Variants in ABTB3 observed in about 807,000 individuals in gnomAD.
ABTB3 encodes the protein ankyrin repeat- and BTB/POZ domain-containing protein 3.
the ABTB3 span, among the ~76,000 whole-genome samples, chr12:107,369,442 C>T: frequency 1.4e-4 from 21 of 149,650 alleles, no homozygotes; most frequent in Middle Eastern, 3.4e-3. Flanking sequence ...CTTGTCACCC[C>T]GGCTGGAGTG....
the ABTB3 span, among the ~76,000 whole-genome samples, chr12:107,477,360 CTG>C: frequency 2.6e-5 from 4 of 152,114 alleles, no homozygotes; most frequent in African/African-American, 9.7e-5. Context: ...ACAAAGAAAG[CTG>C]TATTTCTCAG....
chr12:107,591,137 A>T, the ABTB3 span, among the ~76,000 whole-genome samples: 1 of 152,228 alleles, frequency 6.6e-6, no homozygotes, highest in Non-Finnish European at 1.5e-5. Context: ...ATGCCATTTC[A>T]TTAAATCACC....
the ABTB3 span, among the ~76,000 whole-genome samples, chr12:107,542,288 G>A: frequency 7.8e-6 from 1 of 128,836 alleles, no homozygotes; most frequent in East Asian, 2.5e-4. Flanking sequence ...CTCCAGTCTA[G>A]GCAACAGAGC....
the ABTB3 span, among the ~76,000 whole-genome samples, chr12:107,503,756 C>CAAAAAAAAAA: frequency 6.8e-3 from 483 of 70,668 alleles, 35 homozygotes; most frequent in African/African-American, 0.025. Flanking sequence ...GACCCTATCT[C>CAAAAAAAAAA]AAAAAAAAAA....
At chr12:107,441,481 G>C in the ABTB3 span, among the ~76,000 whole-genome samples, 1 of 152,136 alleles carries the variant, frequency 6.6e-6, no homozygotes, top group Non-Finnish European at 1.5e-5. Context: ...GTGGGGAGGA[G>C]AGCATCAGGA....
the ABTB3 span, among the ~76,000 whole-genome samples, chr12:107,321,161 C>T: frequency 3.9e-5 from 6 of 152,286 alleles, no homozygotes; most frequent in Non-Finnish European, 8.8e-5. Flanking sequence ...GGCGGTTTGG[C>T]CAGAGGTTGC....
chr12:107,385,087 C>T, the ABTB3 span, among the ~76,000 whole-genome samples: 2 of 152,204 alleles, frequency 1.3e-5, no homozygotes, highest in African/African-American at 4.8e-5. Flanking sequence ...ATTCACTGAG[C>T]AATGAAAATA....
the ABTB3 span, among the ~76,000 whole-genome samples, chr12:107,337,757 C>T: frequency 1.3e-5 from 2 of 152,210 alleles, no homozygotes; most frequent in Admixed American, 6.5e-5. Context: ...TCTGATGACA[C>T]CAAAACTGTG....
At chr12:107,539,531 A>T in the ABTB3 span, among the ~76,000 whole-genome samples, 1 of 152,190 alleles carries the variant, frequency 6.6e-6, no homozygotes, top group African/African-American at 2.4e-5. Flanking sequence ...GACCCCAGGA[A>T]TGAGCAGCTT....
the ABTB3 span, among the ~76,000 whole-genome samples, chr12:107,446,458 C>A: frequency 6.6e-6 from 1 of 152,112 alleles, no homozygotes; most frequent in Non-Finnish European, 1.5e-5. Flanking sequence ...TTATAAATTA[C>A]AGAGATTGAA....
chr12:107,516,512 G>A, the ABTB3 span, among the ~76,000 whole-genome samples: 3 of 152,132 alleles, frequency 2.0e-5, no homozygotes, highest in Non-Finnish European at 2.9e-5. Context: ...GATTACAGGC[G>A]TGAGACACCA....
chr12:107,577,176 C>G, the ABTB3 span, among the ~76,000 whole-genome samples: 1 of 152,210 alleles, frequency 6.6e-6, no homozygotes, highest in African/African-American at 2.4e-5. Context: ...GCAACAGAGA[C>G]TGACCTTATG....
the ABTB3 span, among the ~76,000 whole-genome samples, chr12:107,469,244 G>A: frequency 6.6e-6 from 1 of 152,164 alleles, no homozygotes; most frequent in Non-Finnish European, 1.5e-5. Context: ...TCCTGTGGGT[G>A]GTTGGCTCCC....
At chr12:107,567,853 G>A in the ABTB3 span, among the ~76,000 whole-genome samples, 4 of 152,148 alleles carry the variant, frequency 2.6e-5, no homozygotes, top group Admixed American at 2.0e-4. Context: ...CCTACCCCCA[G>A]TCTGTGGAAA....
chr12:107,364,212 T>C, the ABTB3 span, among the ~76,000 whole-genome samples: 1 of 152,188 alleles, frequency 6.6e-6, no homozygotes. Context: ...CATATCAACA[T>C]GCTTCCATTC....
chr12:107,415,009 C>T, the ABTB3 span, among the ~76,000 whole-genome samples: 7 of 152,044 alleles, frequency 4.6e-5, no homozygotes, highest in African/African-American at 1.7e-4. Flanking sequence ...GCCAGTGTGC[C>T]CGGCCCGATC....
chr12:107,409,386 C>T, the ABTB3 span, among the ~76,000 whole-genome samples: 1 of 152,178 alleles, frequency 6.6e-6, no homozygotes. Flanking sequence ...GGCTATTTCT[C>T]AAAGATCTAG....
At chr12:107,596,937 CTT>C in the ABTB3 span, among the ~76,000 whole-genome samples, 1 of 152,222 alleles carries the variant, frequency 6.6e-6, no homozygotes, top group African/African-American at 2.4e-5. Context: ...CTCAGTCTGA[CTT>C]TATTCAGGTG....
chr12:107,656,200 C>A, the ABTB3 span, among the ~76,000 whole-genome samples: 1 of 151,736 alleles, frequency 6.6e-6, no homozygotes, highest in South Asian at 2.1e-4. Context: ...ACTCAGAAGG[C>A]CGAGGCAGGA....
Sources: gnomAD v4.1 joint callset for allele counts (sites outside exome capture counted in the v4.1 genomes callset) on GRCh38, gnomAD v4.1.1 for gene constraint, MANE v1.5 for transcripts, NCBI Gene and HGNC (gene_info 2026-07-23, HGNC 2026-07-21) for gene names.